PRELID2: variants seen among roughly 807,000 people sequenced by gnomAD.
PRELID2 encodes PRELI domain containing 2, also known as PRELI domain-containing protein 2.
PRELID2 carries 25 observed loss-of-function variants against 28.4 expected under a neutral mutation model. That is an observed-to-expected ratio of 0.88 (90% CI 0.64 to 1.23). PRELID2 has a LOEUF of 1.23. Among genes scored for constraint, PRELID2 ranks in the 50% most tolerant of loss-of-function variants. PRELID2 has a pLI of 0.00. For missense variants in PRELID2, 201 were observed against 214.4 expected (o/e 0.94, Z 0.39); for synonymous variants, 76 against 71.6 (o/e 1.06, Z -0.31).
chr5:145,325,814 TA>T, the PRELID2 span, among the ~76,000 whole-genome samples: 20 of 152,120 alleles, frequency 1.3e-4, no homozygotes, highest in Non-Finnish European at 7.3e-5. Context: ...TGGGGGGAAG[TA>T]TTAAAACTAA....
chr5:145,549,656 A>G (rs547475842), intron 1 of PRELID2, among the ~76,000 whole-genome samples: 71 of 152,106 alleles, frequency 4.7e-4, no homozygotes, highest in African/African-American at 1.6e-3. Flanking sequence ...TTAGCCGGGC[A>G]TGGTGGCGGC....
At chr5:145,804,873 T>C (rs1263157500) in intron 4 of PRELID2, among the ~76,000 whole-genome samples, 1 of 152,098 alleles carries the variant, frequency 6.6e-6, no homozygotes, top group Admixed American at 6.5e-5. Context: ...CTAGCTTAGG[T>C]GGAGGCTTGT....
chr5:145,525,955 A>T (rs373761126), intron 1 of PRELID2, among the ~76,000 whole-genome samples: 23 of 152,172 alleles, frequency 1.5e-4, no homozygotes, highest in African/African-American at 5.5e-4. Flanking sequence ...TCTTTCATTC[A>T]TGTACTTCTA....
the PRELID2 span, among the ~76,000 whole-genome samples, chr5:145,284,347 A>G: frequency 6.6e-6 from 1 of 152,152 alleles, no homozygotes; most frequent in Non-Finnish European, 1.5e-5. Flanking sequence ...AAATCATTTT[A>G]GCTATACAGG....
the PRELID2 span, among the ~76,000 whole-genome samples, chr5:145,420,048 C>G: frequency 0.69 from 104,021 of 150,026 alleles, 36,464 homozygotes; most frequent in Admixed American, 0.72. Flanking sequence ...TGTAGATATG[C>G]GGCATTATTT....
chr5:145,793,148 CAAGTT>C (rs1561615027), intron 5 of PRELID2, among the ~76,000 whole-genome samples: 1 of 152,118 alleles, frequency 6.6e-6, no homozygotes, highest in Non-Finnish European at 1.5e-5. Flanking sequence ...TCCCAAATTC[CAAGTT>C]ACCTCCCTTT....
the PRELID2 span, among the ~76,000 whole-genome samples, chr5:145,301,857 A>G: frequency 6.6e-6 from 1 of 151,466 alleles, no homozygotes; most frequent in Non-Finnish European, 1.5e-5. Context: ...TCAAAACCAT[A>G]TAGTCTTGAT....
chr5:145,312,046 T>C, the PRELID2 span, among the ~76,000 whole-genome samples: 3 of 152,226 alleles, frequency 2.0e-5, no homozygotes, highest in Non-Finnish European at 4.4e-5. Flanking sequence ...GATGAGAACA[T>C]TTAAAATCTA....
the PRELID2 span, among the ~76,000 whole-genome samples, chr5:145,401,773 ACT>A: frequency 0.025 from 3,836 of 152,252 alleles, 137 homozygotes; most frequent in African/African-American, 0.081. Flanking sequence ...TGATTTTTGC[ACT>A]GTCTCTCGAA....
At chr5:145,723,687 G>C (rs1206163178) in intron 1 of PRELID2, among the ~76,000 whole-genome samples, 2 of 152,148 alleles carry the variant, frequency 1.3e-5, no homozygotes, top group African/African-American at 4.8e-5. Flanking sequence ...AAGTTTAAAA[G>C]CTTGGCAACA....
At chr5:145,533,089 T>A (rs7715894) in intron 1 of PRELID2, among the ~76,000 whole-genome samples, 4,420 of 151,968 alleles carry the variant, frequency 0.029, 137 homozygotes, top group African/African-American at 0.083. Flanking sequence ...GAATGGGTCT[T>A]GACCACATGG....
chr5:145,782,647 C>A (rs1751709074), intron 5 of PRELID2, among the ~76,000 whole-genome samples: 1 of 152,196 alleles, frequency 6.6e-6, no homozygotes, highest in Non-Finnish European at 1.5e-5. Flanking sequence ...CTACCACATG[C>A]TTACCATGGC....
At chr5:145,268,617 A>G in the PRELID2 span, among the ~76,000 whole-genome samples, 2 of 152,128 alleles carry the variant, frequency 1.3e-5, no homozygotes, top group Non-Finnish European at 2.9e-5. Context: ...GCCTCTAGTC[A>G]GCTTTCTTGC....
At chr5:145,588,375 A>C (rs1196174811) in intron 1 of PRELID2, among the ~76,000 whole-genome samples, 1 of 152,116 alleles carries the variant, frequency 6.6e-6, no homozygotes, top group Non-Finnish European at 1.5e-5. Flanking sequence ...ATATGCCAAA[A>C]GCCCTACCTT....
At chr5:145,554,871 A>G (rs181513153) in intron 1 of PRELID2, among the ~76,000 whole-genome samples, 20 of 152,318 alleles carry the variant, frequency 1.3e-4, no homozygotes, top group Admixed American at 5.2e-4. Context: ...TTATTCATTC[A>G]TGGGTCATCA....
At chr5:145,625,924 C>A (rs927593391) in intron 1 of PRELID2, among the ~76,000 whole-genome samples, 5 of 152,070 alleles carry the variant, frequency 3.3e-5, no homozygotes, top group Non-Finnish European at 7.4e-5. Context: ...AAAATATACA[C>A]TGGGGAAAGA....
chr5:145,333,396 T>C, the PRELID2 span, among the ~76,000 whole-genome samples: 1 of 152,176 alleles, frequency 6.6e-6, no homozygotes, highest in East Asian at 1.9e-4. Flanking sequence ...AGGTGCTCTG[T>C]CCCTGAAAGA....
chr5:145,570,478 T>C (rs1753006702), intron 1 of PRELID2, among the ~76,000 whole-genome samples: 2 of 152,190 alleles, frequency 1.3e-5, no homozygotes, highest in African/African-American at 2.4e-5. Flanking sequence ...TTTACAAGCA[T>C]TATAATAATG....
chr5:145,439,165 A>G, the PRELID2 span, among the ~76,000 whole-genome samples: 76 of 152,240 alleles, frequency 5.0e-4, no homozygotes, highest in African/African-American at 1.8e-3. Context: ...ATCAGATGGG[A>G]TGCTCTGCAG....
Sources: gnomAD v4.1 joint callset for allele counts (sites outside exome capture counted in the v4.1 genomes callset) on GRCh38, gnomAD v4.1.1 for gene constraint, MANE v1.5 for transcripts, NCBI Gene and HGNC (gene_info 2026-07-23, HGNC 2026-07-21) for gene names.